The following SGCZ variants were observed in gnomAD, a reference collection of about 807,000 sequenced individuals.
SGCZ encodes the protein sarcoglycan zeta, also known as zeta-sarcoglycan.
SGCZ carries 40 observed loss-of-function variants against 41.3 expected under a neutral mutation model. The ratio of observed to expected loss-of-function variants is 0.97; its 90% CI spans 0.75 to 1.26. The LOEUF is 1.26. Among genes scored for constraint, SGCZ ranks in the 50% most tolerant of loss-of-function variants. SGCZ has a pLI of 0.00. For synonymous variants in SGCZ, 206 were observed against 137.5 expected (o/e 1.50, Z -3.49); for missense variants, 552 against 369.8 (o/e 1.49, Z -4.04).
At chr8:14,707,115 A>G (rs1342780828) in intron 1 of SGCZ, among the ~76,000 whole-genome samples, 2 of 151,546 alleles carry the variant, frequency 1.3e-5, no homozygotes, top group Non-Finnish European at 2.9e-5. Context: ...TACATGTGCC[A>G]TGTTGGTGTG....
At chr8:15,161,749 A>G (rs1359489473) in intron 1 of SGCZ, among the ~76,000 whole-genome samples, 1 of 152,218 alleles carries the variant, frequency 6.6e-6, no homozygotes, top group East Asian at 1.9e-4. Flanking sequence ...ACAAATTAAA[A>G]AGAGGCTGGG....
intron 4 of SGCZ, among the ~76,000 whole-genome samples, chr8:14,205,320 G>A (rs1805583851): frequency 6.6e-6 from 1 of 152,032 alleles, no homozygotes; most frequent in African/African-American, 2.4e-5. Context: ...GGGTTTTTGT[G>A]TATTGTCAAA....
At chr8:14,292,011 T>C (rs1036896370) in intron 3 of SGCZ, among the ~76,000 whole-genome samples, 1 of 152,016 alleles carries the variant, frequency 6.6e-6, no homozygotes, top group East Asian at 1.9e-4. Context: ...GGTGAAGAAA[T>C]AATGCATCAT....
At chr8:15,121,136 G>T (rs1267598526) in intron 1 of SGCZ, among the ~76,000 whole-genome samples, 3 of 152,146 alleles carry the variant, frequency 2.0e-5, no homozygotes, top group Non-Finnish European at 4.4e-5. Context: ...CTCAATGTAT[G>T]ATGCAATTCC....
chr8:14,697,928 T>A (rs1433397024), intron 1 of SGCZ, among the ~76,000 whole-genome samples: 4 of 152,000 alleles, frequency 2.6e-5, no homozygotes, highest in African/African-American at 9.7e-5. Flanking sequence ...TATGTTAGAA[T>A]CCCACAGCTA....
At chr8:14,626,681 A>G (rs1407183263) in intron 1 of SGCZ, among the ~76,000 whole-genome samples, 10 of 152,116 alleles carry the variant, frequency 6.6e-5, no homozygotes, top group Non-Finnish European at 1.3e-4. Context: ...AAAAGATTGG[A>G]GCTTATGCTA....
chr8:14,266,935 C>A (rs1014128903), intron 3 of SGCZ, among the ~76,000 whole-genome samples: 1 of 152,104 alleles, frequency 6.6e-6, no homozygotes. Flanking sequence ...GAATGAATTT[C>A]TTTTACTAGC....
intron 1 of SGCZ, among the ~76,000 whole-genome samples, chr8:14,657,806 T>C (rs1434112823): frequency 6.6e-6 from 1 of 152,166 alleles, no homozygotes; most frequent in Non-Finnish European, 1.5e-5. Context: ...GTTACTGAAA[T>C]ATTGAAAACC....
At chr8:14,530,359 A>G (rs1235949695) in intron 2 of SGCZ, among the ~76,000 whole-genome samples, 1 of 152,050 alleles carries the variant, frequency 6.6e-6, no homozygotes, top group Non-Finnish European at 1.5e-5. Flanking sequence ...CAATAACACT[A>G]TTATTTATAA....
chr8:14,363,960 T>G (rs893618835), intron 2 of SGCZ, among the ~76,000 whole-genome samples: 1 of 152,178 alleles, frequency 6.6e-6, no homozygotes, highest in African/African-American at 2.4e-5. Flanking sequence ...TCAAATTGAG[T>G]GCAGAAGTAA....
At chr8:14,847,095 G>T (rs1585314533) in intron 1 of SGCZ, among the ~76,000 whole-genome samples, 2 of 138,254 alleles carry the variant, frequency 1.4e-5, no homozygotes, top group South Asian at 4.7e-4. Context: ...AGAAGAAGAA[G>T]AAAGAAGAAA....
intron 1 of SGCZ, among the ~76,000 whole-genome samples, chr8:14,649,444 C>T (rs1228110964): frequency 6.6e-6 from 1 of 151,998 alleles, no homozygotes; most frequent in South Asian, 2.1e-4. Context: ...AGACTTAATG[C>T]GTGGCACTGC....
At chr8:14,385,606 G>A (rs1212464681) in intron 2 of SGCZ, among the ~76,000 whole-genome samples, 2 of 152,102 alleles carry the variant, frequency 1.3e-5, no homozygotes, top group South Asian at 2.1e-4. Flanking sequence ...GACTTTGAGT[G>A]TAGAGATAAT....
chr8:14,156,197 C>A (rs1180083330), intron 5 of SGCZ, among the ~76,000 whole-genome samples: 1 of 152,154 alleles, frequency 6.6e-6, no homozygotes, highest in Non-Finnish European at 1.5e-5. Flanking sequence ...TGGCCACTCA[C>A]AGTGTCTGAT....
chr8:14,728,800 G>A (rs1810141246), intron 1 of SGCZ, among the ~76,000 whole-genome samples: 1 of 152,156 alleles, frequency 6.6e-6, no homozygotes. Context: ...GGGACACAAT[G>A]AAACAAAGTT....
At chr8:14,395,103 G>A (rs1204402271) in intron 2 of SGCZ, among the ~76,000 whole-genome samples, 3 of 152,252 alleles carry the variant, frequency 2.0e-5, no homozygotes, top group South Asian at 4.1e-4. Context: ...AAGGAACATA[G>A]AATGTGCTCA....
chr8:14,869,739 A>C (rs1010888362), intron 1 of SGCZ, among the ~76,000 whole-genome samples: 3 of 152,156 alleles, frequency 2.0e-5, no homozygotes, highest in African/African-American at 7.2e-5. Context: ...ACTTCAGCAA[A>C]CTCTCAGGAT....
At chr8:14,704,707 G>A (rs1388936584) in intron 1 of SGCZ, among the ~76,000 whole-genome samples, 2 of 151,826 alleles carry the variant, frequency 1.3e-5, no homozygotes, top group Non-Finnish European at 2.9e-5. Context: ...TAAAATGCTT[G>A]ACTCAGTTTA....
chr8:14,553,169 G>C (rs1243687161), intron 2 of SGCZ, among the ~76,000 whole-genome samples: 1 of 151,996 alleles, frequency 6.6e-6, no homozygotes, highest in Non-Finnish European at 1.5e-5. Flanking sequence ...AGTCAGAGAA[G>C]GCAGGAGCAG....
Sources: gnomAD v4.1 joint callset for allele counts (sites outside exome capture counted in the v4.1 genomes callset) on GRCh38, gnomAD v4.1.1 for gene constraint, MANE v1.5 for transcripts, NCBI Gene and HGNC (gene_info 2026-07-23, HGNC 2026-07-21) for gene names.